CCDC171: variants seen among roughly 807,000 people sequenced by gnomAD.
CCDC171 encodes coiled-coil domain containing 171.
In CCDC171, 177 loss-of-function variants were observed where a neutral mutation model predicts 168.2. The observed-to-expected ratio is 1.05, with a 90% CI of 0.93 to 1.19. The LOEUF is 1.19. Ranked by LOEUF, CCDC171 falls within the 50% of genes most tolerant of loss-of-function variation. The probability of loss-of-function intolerance (pLI) is 0.00; values close to 1 mark genes in which losing one functional copy is unlikely to be tolerated. For missense variants in CCDC171, 1,991 were observed against 1,539.0 expected (o/e 1.29, Z -4.91); for synonymous variants, 687 against 540.8 (o/e 1.27, Z -3.75).
chr9:15,935,513 T>C (rs1002380500), intron 25 of CCDC171, among the ~76,000 whole-genome samples: 2 of 152,060 alleles, frequency 1.3e-5, no homozygotes, highest in Non-Finnish European at 2.9e-5. Flanking sequence ...CCTGTGTCAG[T>C]TTACAACAAT....
chr9:15,667,128 G>T (rs2048789598), intron 9 of CCDC171, among the ~76,000 whole-genome samples: 1 of 152,028 alleles, frequency 6.6e-6, no homozygotes, highest in Non-Finnish European at 1.5e-5. Context: ...AAAATTCTGT[G>T]AAATGATTTA....
chr9:15,687,556 T>G (rs1287498896), intron 10 of CCDC171, among the ~76,000 whole-genome samples: 2 of 151,112 alleles, frequency 1.3e-5, no homozygotes, highest in Middle Eastern at 3.4e-3. Context: ...ATAAAAGAAA[T>G]AGAGAATTTT....
At chr9:16,026,828 A>G (rs1348381825) in intron 6 of CCDC171, among the ~76,000 whole-genome samples, 2 of 152,262 alleles carry the variant, frequency 1.3e-5, no homozygotes, top group Non-Finnish European at 2.9e-5. Context: ...TATCATCTAT[A>G]TTTAATTGCT....
At position 15,973,716 on chromosome 9, in the gene CCDC171, A is replaced by T. The variant is rs144903973; in HGVS notation, c.*1880A>T. 2 of 152,290 alleles carry T rather than the reference A, an allele frequency of 1.3e-5. No homozygotes were observed. Among genetic ancestry groups the T allele is most frequent in the East Asian group, 3.9e-4 (2 of 5,192 alleles). 9.4% of individuals were successfully genotyped at this position (152,290 alleles called of 1,614,324 possible). A position where few individuals can be genotyped will look rare whatever the true frequency, so the allele number is the denominator to read the frequency against. ...TATACAGATCATATAATTTCTGCAC[A>T]TTTCAGAACACCTTTCTCTGCTGTT... On this transcript the variant is annotated 3_prime_UTR_variant, in exon 26 of 26. Coordinates refer to ENST00000380701, the MANE Select transcript of CCDC171 (RefSeq NM_173550.4).
At chr9:15,746,108 G>T (rs1478311688) in intron 18 of CCDC171, among the ~76,000 whole-genome samples, 2 of 152,144 alleles carry the variant, frequency 1.3e-5, no homozygotes, top group African/African-American at 2.4e-5. Flanking sequence ...TCCACCTGGT[G>T]TGGAACCACC....
At chr9:15,760,850 C>G (rs2056403368) in intron 18 of CCDC171, among the ~76,000 whole-genome samples, 1 of 152,026 alleles carries the variant, frequency 6.6e-6, no homozygotes, top group South Asian at 2.1e-4. Context: ...CAGGTGGCAA[C>G]CTTCTTGCTT....
chr9:16,030,917 C>A (rs1025058813), intron 6 of CCDC171, among the ~76,000 whole-genome samples: 2 of 152,046 alleles, frequency 1.3e-5, no homozygotes, highest in African/African-American at 4.8e-5. Flanking sequence ...GACTTCAAAG[C>A]AGAAAGAGAA....
chr9:15,828,052 T>C (rs1392285979), intron 21 of CCDC171, among the ~76,000 whole-genome samples: 1 of 152,152 alleles, frequency 6.6e-6, no homozygotes, highest in Non-Finnish European at 1.5e-5. Context: ...GAATAAAAGA[T>C]GAATTAATAT....
At chr9:15,760,420 A>G (rs2056380906) in intron 18 of CCDC171, among the ~76,000 whole-genome samples, 1 of 152,168 alleles carries the variant, frequency 6.6e-6, no homozygotes, top group African/African-American at 2.4e-5. Context: ...ATATACATTA[A>G]AGTATTGGTT....
At chr9:15,736,799 C>G (rs923190265) in intron 16 of CCDC171, among the ~76,000 whole-genome samples, 1 of 152,004 alleles carries the variant, frequency 6.6e-6, no homozygotes, top group Non-Finnish European at 1.5e-5. Context: ...CTTCAGCTTC[C>G]TGAGTAGCTG....
chr9:15,733,291 A>G (rs2054267569), intron 16 of CCDC171, among the ~76,000 whole-genome samples: 1 of 152,028 alleles, frequency 6.6e-6, no homozygotes, highest in Non-Finnish European at 1.5e-5. Flanking sequence ...AATGTTTCAA[A>G]TTTTTATGAC....
At chr9:16,049,843 A>G (rs1833721678) in intron 1 of CCDC171, among the ~76,000 whole-genome samples, 1 of 152,070 alleles carries the variant, frequency 6.6e-6, no homozygotes, top group African/African-American at 2.4e-5. Context: ...ACCCTGACTA[A>G]TATAGATTTG....
intron 10 of CCDC171, 127 bp downstream of exon 10, chr9:15,679,023 AAAATTTCCAAAACTGG>A: frequency 1.6e-6 from 1 of 641,064 alleles, no homozygotes. Context: ...CATTGATAAC[AAAATTTCCAAAACTGG>A]AAATGCTGAT....
At chr9:16,100,531 G>T in the CCDC171 span, among the ~76,000 whole-genome samples, 1 of 152,158 alleles carries the variant, frequency 6.6e-6, no homozygotes, top group Non-Finnish European at 1.5e-5. Context: ...GAACATTTTT[G>T]GCAGCTCATG....
In CCDC171 at chr9:15,632,918, C is replaced by T. The variant is rs201902367; in HGVS notation, c.822+9505C>T. On this transcript the variant is annotated intron_variant, in intron 7 of 25. Coordinates refer to ENST00000380701, the MANE Select transcript of CCDC171 (RefSeq NM_173550.4). ...ACAAACCTGAGAAAAACAAGCAACG[C>T]GGAAAGGATTCCCTGTTTAATAAAT... Among the ~76,000 whole-genome samples, 142 of 152,036 alleles carry T rather than the reference C, an allele frequency of 9.3e-4. 2 individuals carry two copies. In the South Asian group the frequency reaches 0.027, roughly 28 times the overall value.
Position 15,888,491 on chromosome 9 carries a change from G to A in CCDC171, c.3600+13828G>A, listed in dbSNP as rs143154721. ...CTGTTTCCATATTTTGAAACATTTC[G>A]TCACCTTTATTTACACCATTTAATT... is the stretch of plus-strand genomic sequence containing the variant. On this transcript the variant is annotated intron_variant, in intron 24 of 25. Coordinates refer to ENST00000380701, the MANE Select transcript of CCDC171 (RefSeq NM_173550.4). 1.1e-3 allele frequency among the ~76,000 whole-genome samples: 165 copies of A among 151,960 alleles called. 2 individuals are homozygous for A. In the South Asian group the frequency reaches 0.032, roughly 29 times the overall value.
rs530324424 is a variant in CCDC171 at position 15,748,491 on chromosome 9, C to T, written c.2671+2860C>T. On this transcript the variant is annotated intron_variant, in intron 18 of 25. Coordinates refer to ENST00000380701, the MANE Select transcript of CCDC171 (RefSeq NM_173550.4). ...CAGAGAACACCACAAAGATATTCCT[C>T]GAGATGAGCAACCCCAAGACACATA... is the stretch of plus-strand genomic sequence containing the variant. 1.4e-4 allele frequency among the ~76,000 whole-genome samples: 22 copies of T among 152,160 alleles called. No individual in the cohort carries two copies. The South Asian group carries it at 2.7e-3, about 19-fold the overall frequency.
At position 15,571,612 on chromosome 9, in the gene CCDC171, C is replaced by G. The variant is rs1001628840; in HGVS notation, c.42-12C>G. 6.5e-7 allele frequency: 1 copy of G among 1,527,672 alleles called. No homozygotes were observed. The highest frequency in any genetic ancestry group is 1.4e-5 in the African/African-American group (1 of 69,738). The allele number at this position is 1,527,672 out of a possible 1,614,324, so 94.6% of individuals were successfully genotyped here. On this transcript the variant is annotated splice_polypyrimidine_tract_variant and intron_variant, in intron 2 of 25. Coordinates refer to ENST00000380701, the MANE Select transcript of CCDC171 (RefSeq NM_173550.4). ...AGAAGCATATACATTTTACTGTAAT[C>G]TCATTTTAAAGGTTGAAGATTGCCT...
At chr9:15,969,060 T>G (rs1831091970) in intron 25 of CCDC171, among the ~76,000 whole-genome samples, 1 of 152,210 alleles carries the variant, frequency 6.6e-6, no homozygotes, top group Non-Finnish European at 1.5e-5. Context: ...TCTCTGGAGA[T>G]TCTTTAGATT....
Sources: gnomAD v4.1 joint callset for allele counts (sites outside exome capture counted in the v4.1 genomes callset) on GRCh38, gnomAD v4.1.1 for gene constraint, MANE v1.5 for transcripts, NCBI Gene and HGNC (gene_info 2026-07-23, HGNC 2026-07-21) for gene names.